Variants in CRACDL observed in about 807,000 individuals in gnomAD.
The protein encoded by CRACDL is CRACD-like protein.
A neutral mutation model predicts 70.6 loss-of-function variants in CRACDL; 26 were observed. The observed-to-expected ratio is 0.37, with a 90% confidence interval of 0.27 to 0.51. CRACDL has a LOEUF of 0.51. Ranked by LOEUF, CRACDL falls within the 20% of genes least tolerant of loss-of-function variation. The pLI is 0.94. For synonymous variants in CRACDL, 618 were observed against 615.2 expected (o/e 1.00, Z -0.07); for missense variants, 1,283 against 1,376.9 (o/e 0.93, Z 1.08).
intron 1 of CRACDL, among the ~76,000 whole-genome samples, chr2:98,859,618 T>C (rs1370401792): frequency 6.6e-6 from 1 of 152,218 alleles, no homozygotes; most frequent in Non-Finnish European, 1.5e-5. Context: ...CGCTTCATGA[T>C]ACAAACACTC....
Position 98,832,801 on chromosome 2 carries a change from A to G in CRACDL, c.375+61T>C, listed in dbSNP as rs1705598455. On this transcript the variant is annotated intron_variant, in intron 4 of 9. Coordinates refer to ENST00000397899, the MANE Select transcript of CRACDL (RefSeq NM_207362.3). ...CAAATAAACCAAGCAGAAATCATTT[A>G]AAAACTTCTTGATGGATATTTGACT... 2.5e-6 allele frequency: 4 copies of G among 1,601,728 alleles called. No homozygotes were observed. The Admixed American group carries it at 6.8e-5, about 27-fold the overall frequency.
chr2:98,880,470 A>T (rs187833707), intron 1 of CRACDL, among the ~76,000 whole-genome samples: 4 of 152,216 alleles, frequency 2.6e-5, no homozygotes, highest in Admixed American at 6.5e-5. Flanking sequence ...AAAAGGTAGC[A>T]TCATCAGGTG....
At chr2:98,826,471 T>C (rs1705306402) in intron 6 of CRACDL, among the ~76,000 whole-genome samples, 1 of 152,218 alleles carries the variant, frequency 6.6e-6, no homozygotes, top group Admixed American at 6.5e-5. Flanking sequence ...CACTTTGGCA[T>C]GTGGCGAGTG....
In CRACDL at chr2:98,871,990, T is replaced by A. The variant is rs191050137; in HGVS notation, c.-10-25180A>T. ...TACACCACGGAATATTACACCGCCA[T>A]AAAAAAGAATGAAATCATGTCCTTT... On this transcript the variant is annotated intron_variant, in intron 1 of 9. Coordinates refer to ENST00000397899, the MANE Select transcript of CRACDL (RefSeq NM_207362.3). 3.1e-3 allele frequency among the ~76,000 whole-genome samples: 476 copies of A among 152,240 alleles called. 1 individual carries two copies. Among genetic ancestry groups the A allele is most frequent in the Non-Finnish European group, 5.5e-3 (377 of 68,018 alleles).
At chr2:98,935,672 T>G (rs1234564721) in intron 1 of CRACDL, among the ~76,000 whole-genome samples, 1 of 152,118 alleles carries the variant, frequency 6.6e-6, no homozygotes, top group Non-Finnish European at 1.5e-5. Context: ...TGCCTCACAG[T>G]GGAAAGTTGG....
chr2:98,913,698 G>C (rs893294829), intron 1 of CRACDL, among the ~76,000 whole-genome samples: 1 of 152,206 alleles, frequency 6.6e-6, no homozygotes. Flanking sequence ...GTCTTCGGGA[G>C]CAGAAAGCCC....
chr2:98,822,993 G>A lies in CRACDL; in HGVS notation c.1280C>T (p.Ala427Val). Residue 427 changes from alanine (A) to valine (V), a missense_variant, in exon 7 of 10, where the codon GCT becomes GTT. Physicochemically the swap from Ala to Val is moderately conservative, Grantham distance 64. Coordinates refer to ENST00000397899, the MANE Select transcript of CRACDL (RefSeq NM_207362.3). This position sits in a 1 kb window ranked among gnomAD's most constrained non-coding sequence, Gnocchi z 4.9. ...DPAATSEAPS[A>V]RDGPERSVPK... ...GACACTGCGTTCTGGCCCGTCGCGAGCAGAGGGCGCCTCTGAGGTGGCGGC... is the reference window on the plus strand; with the variant it reads ...GACACTGCGTTCTGGCCCGTCGCGAACAGAGGGCGCCTCTGAGGTGGCGGC... The A allele has an allele frequency of 6.7e-7, 1 of 1,494,370 alleles. No individual in the cohort carries two copies. The highest frequency in any genetic ancestry group is 8.9e-7 in the Non-Finnish European group (1 of 1,121,346). The allele number at this position is 1,494,370 out of a possible 1,614,324, so 92.6% of individuals were successfully genotyped here.
At chr2:98,857,214 G>C (rs1352861235) in intron 1 of CRACDL, among the ~76,000 whole-genome samples, 1 of 152,116 alleles carries the variant, frequency 6.6e-6, no homozygotes, top group Non-Finnish European at 1.5e-5. Context: ...GTAAGAAAAT[G>C]ACATCAGATG....
intron 1 of CRACDL, among the ~76,000 whole-genome samples, chr2:98,918,838 C>T (rs941798831): frequency 6.6e-6 from 1 of 152,018 alleles, no homozygotes; most frequent in Admixed American, 6.6e-5. Context: ...ATATTAGTCC[C>T]CTATTGGATA....
chr2:98,902,774 C>T (rs1371818167), intron 1 of CRACDL, among the ~76,000 whole-genome samples: 1 of 152,084 alleles, frequency 6.6e-6, no homozygotes, highest in African/African-American at 2.4e-5. Flanking sequence ...GAGTCACCCC[C>T]GATCTCAGTA....
intron 7 of CRACDL, among the ~76,000 whole-genome samples, chr2:98,805,475 C>A (rs1158815183): frequency 1.3e-5 from 2 of 152,088 alleles, no homozygotes; most frequent in Non-Finnish European, 2.9e-5. Context: ...TTCACTACCC[C>A]ACAGCTTCAA....
intron 1 of CRACDL, among the ~76,000 whole-genome samples, chr2:98,876,462 G>A (rs2104607229): frequency 6.6e-6 from 1 of 152,288 alleles, no homozygotes; most frequent in Middle Eastern, 3.4e-3. Context: ...CCTCCTGTCA[G>A]GTCAGCAGCG....
chr2:98,903,477 G>T (rs2104661197), intron 1 of CRACDL, among the ~76,000 whole-genome samples: 1 of 152,200 alleles, frequency 6.6e-6, no homozygotes, highest in East Asian at 1.9e-4. Context: ...AAAAAATAAA[G>T]GAGTCCTCTA....
intron 1 of CRACDL, among the ~76,000 whole-genome samples, chr2:98,884,568 C>T (rs1336178037): frequency 6.6e-6 from 1 of 152,118 alleles, no homozygotes; most frequent in African/African-American, 2.4e-5. Flanking sequence ...AGGTCCCCTG[C>T]CTAAAATTCA....
intron 1 of CRACDL, among the ~76,000 whole-genome samples, chr2:98,901,529 G>A (rs547226822): frequency 1.5e-4 from 23 of 152,350 alleles, no homozygotes; most frequent in African/African-American, 4.1e-4. Context: ...ACTGGGGGCC[G>A]CAGGTGGACA....
chr2:98,933,846 C>T (rs1328662144), intron 1 of CRACDL, among the ~76,000 whole-genome samples: 1 of 152,148 alleles, frequency 6.6e-6, no homozygotes, highest in East Asian at 1.9e-4. Context: ...ATAAACCGGG[C>T]AGCTCATAGA....
intron 1 of CRACDL, among the ~76,000 whole-genome samples, chr2:98,928,008 C>T (rs963413026): frequency 1.3e-5 from 2 of 151,932 alleles, no homozygotes; most frequent in African/African-American, 4.8e-5. Context: ...CGGTGAAACC[C>T]TGTCTCTGCT....
rs763433587 is a variant in CRACDL at position 98,827,081 on chromosome 2, C to A, written c.629G>T (p.Ser210Ile). The A allele has an allele frequency of 6.2e-7, 1 of 1,614,176 alleles. No individual in the cohort carries two copies. Among genetic ancestry groups the A allele is most frequent in the Non-Finnish European group, 8.5e-7 (1 of 1,180,018 alleles). The change falls in exon 6 of 10, where the codon AGT becomes ATT. Residue 210 changes from serine to isoleucine, a missense_variant. By Grantham distance (142) the Ser-to-Ile change is moderately radical. Transcript: ENST00000397899. ...GCAGGAGGAGGATTCTGCAGGATAACTGAAGTCAGCCACTGGTGCCAGGCT... is the reference window on the plus strand; with the variant it reads ...GCAGGAGGAGGATTCTGCAGGATAAATGAAGTCAGCCACTGGTGCCAGGCT... ...DNSLAPVADF[S>I]YPAESSSCLD...
Position 98,916,639 on chromosome 2 carries a change from A to AT in CRACDL, c.-11+19298dup, listed in dbSNP as rs572407252. Reference sequence around the variant, plus strand: ...TTCCCTACTCCCACACATAAATATCATTTTTTTTAATGTAGGATACAACCT... The same window carrying AT: ...TTCCCTACTCCCACACATAAATATCATTTTTTTTTAATGTAGGATACAACCT... On this transcript the variant is annotated intron_variant, in intron 1 of 9. Transcript: ENST00000397899. Among the ~76,000 whole-genome samples, 1,220 of 151,830 alleles carry AT rather than the reference A, an allele frequency of 8.0e-3. 17 individuals carry two copies. Among genetic ancestry groups the AT allele is most frequent in the African/African-American group, 0.023 (970 of 41,374 alleles).
Sources: gnomAD v4.1 joint callset for allele counts (sites outside exome capture counted in the v4.1 genomes callset) on GRCh38, gnomAD v4.1.1 for gene constraint, Gnocchi (gnomAD v3.1) non-coding constraint, MANE v1.5 for transcripts, NCBI Gene and HGNC (gene_info 2026-07-23, HGNC 2026-07-21) for gene names.